The following DIAPH2 variants were observed in gnomAD, a reference collection of about 807,000 sequenced individuals.
The protein encoded by DIAPH2 is protein diaphanous homolog 2.
DIAPH2 carries 35 observed loss-of-function variants against 92.7 expected under a neutral mutation model. The ratio of observed to expected loss-of-function variants is 0.38; its 90% CI spans 0.29 to 0.50. The LOEUF is 0.50. Ranked by LOEUF, DIAPH2 falls within the 20% of genes least tolerant of loss-of-function variation. The probability of loss-of-function intolerance (pLI) is 0.94; values close to 1 mark genes in which losing one functional copy is unlikely to be tolerated. For synonymous variants in DIAPH2, 301 were observed against 280.4 expected (o/e 1.07, Z -0.73); for missense variants, 701 against 819.5 (o/e 0.86, Z 1.77).
At chrX:97,559,144 A>G (rs929507562) in intron 26 of DIAPH2, among the ~76,000 whole-genome samples, 2 of 111,974 alleles carry the variant, frequency 1.8e-5, no homozygotes, top group Non-Finnish European at 3.8e-5. Flanking sequence ...TAACGGTTCA[A>G]ATGACTCTCC....
At chrX:96,693,896 A>C (rs778878453) in intron 1 of DIAPH2, among the ~76,000 whole-genome samples, 8 of 111,797 alleles carry the variant, frequency 7.2e-5, no homozygotes, top group Non-Finnish European at 1.3e-4. Context: ...TTAGCTGTGC[A>C]TGATGGGAGA....
At chrX:97,163,980 T>C (rs1317282134) in intron 22 of DIAPH2, among the ~76,000 whole-genome samples, 2 of 112,324 alleles carry the variant, frequency 1.8e-5, no homozygotes, top group African/African-American at 6.5e-5. Context: ...ACAATGTAAA[T>C]TTACCAGAGA....
intron 26 of DIAPH2, among the ~76,000 whole-genome samples, chrX:97,593,481 A>G (rs1027301778): frequency 3.6e-5 from 4 of 111,012 alleles, no homozygotes; most frequent in Admixed American, 9.6e-5. Flanking sequence ...TTACATGTAA[A>G]AAAAAAAAAC....
At chrX:97,372,030 C>A (rs763896130) in intron 24 of DIAPH2, among the ~76,000 whole-genome samples, 1 of 112,333 alleles carries the variant, frequency 8.9e-6, no homozygotes, top group Non-Finnish European at 1.9e-5. Context: ...TTCTCAAATA[C>A]CTACTAAGAA....
At chrX:96,956,019 AT>A (rs1427967108) in intron 15 of DIAPH2, among the ~76,000 whole-genome samples, 5 of 112,388 alleles carry the variant, frequency 4.4e-5, no homozygotes, top group Admixed American at 9.3e-5. Context: ...CCAACCCCAC[AT>A]TTCCCTTCTG....
intron 17 of DIAPH2, among the ~76,000 whole-genome samples, chrX:97,033,335 G>A (rs1159255451): frequency 9.0e-6 from 1 of 111,041 alleles, no homozygotes; most frequent in East Asian, 2.8e-4. Context: ...TCCTAAGTAA[G>A]ATAATAGCGT....
At chrX:97,012,236 A>G (rs1056452490) in intron 17 of DIAPH2, among the ~76,000 whole-genome samples, 1 of 112,261 alleles carries the variant, frequency 8.9e-6, no homozygotes, top group Non-Finnish European at 1.9e-5. Context: ...AATGACCTCA[A>G]TGATCACAAG....
intron 24 of DIAPH2, among the ~76,000 whole-genome samples, chrX:97,352,229 T>A (rs1290536533): frequency 9.0e-6 from 1 of 111,093 alleles, no homozygotes; most frequent in Non-Finnish European, 1.9e-5. Flanking sequence ...GGGAGATCTA[T>A]TTGGCATATG....
rs1448771799 is a variant in DIAPH2 at position 96,809,514 on chromosome X, CTTTCT to C, written c.447+51260_447+51264del. ...CACAACTCTTTTTTTTTCTTTCTTT[CTTTCT>C]TTTTTTTTTTAATCATACTTTAAGT... On this transcript the variant is annotated intron_variant, in intron 4 of 26. Transcript: ENST00000324765. Among the ~76,000 whole-genome samples the C allele has an allele frequency of 5.8e-4, 61 of 105,325 alleles. 2 individuals are homozygous for C. Among genetic ancestry groups the C allele is most frequent in the Non-Finnish European group, 2.0e-5 (1 of 50,586 alleles). 91.5% of individuals were successfully genotyped at this position (105,325 alleles called of 115,157 possible).
intron 4 of DIAPH2, among the ~76,000 whole-genome samples, chrX:96,871,871 C>A (rs915264935): frequency 5.4e-5 from 6 of 111,817 alleles, no homozygotes; most frequent in Admixed American, 4.8e-4. Context: ...GTTAAATAAG[C>A]TGTATTATCC....
chrX:97,388,078 C>T (rs2069619150), intron 25 of DIAPH2, among the ~76,000 whole-genome samples: 1 of 111,244 alleles, frequency 9.0e-6, no homozygotes, highest in Non-Finnish European at 1.9e-5. Flanking sequence ...AAGAAAATGC[C>T]ACAAGCTAAG....
At chrX:96,735,836 T>A in intron 2 of DIAPH2, 46 bp downstream of exon 2, 1 of 738,703 alleles carries the variant, frequency 1.4e-6, no homozygotes, top group Non-Finnish European at 2.0e-6. Flanking sequence ...GCATGTTGCC[T>A]TTTAATTAAA....
At chrX:96,955,358 G>A (rs946621100) in intron 15 of DIAPH2, among the ~76,000 whole-genome samples, 9 of 111,748 alleles carry the variant, frequency 8.1e-5, no homozygotes, top group Non-Finnish European at 1.3e-4. Flanking sequence ...CCCTTGACAC[G>A]TGGGGATTAT....
intron 19 of DIAPH2, among the ~76,000 whole-genome samples, chrX:97,090,393 C>T (rs1040019692): frequency 6.9e-5 from 7 of 102,096 alleles, no homozygotes; most frequent in Non-Finnish European, 1.4e-4. Context: ...AACCCCCAGG[C>T]CACCGCTGCC....
At chrX:97,416,502 A>G (rs1358922613) in intron 25 of DIAPH2, among the ~76,000 whole-genome samples, 1 of 112,525 alleles carries the variant, frequency 8.9e-6, no homozygotes, top group East Asian at 2.8e-4. Flanking sequence ...GGACTCAAAG[A>G]CACAAAGATA....
chrX:97,358,894 A>G (rs1317368058), intron 24 of DIAPH2, among the ~76,000 whole-genome samples: 7 of 112,178 alleles, frequency 6.2e-5, no homozygotes, highest in African/African-American at 2.3e-4. Flanking sequence ...TCTTAAAATA[A>G]TAATAAAAAG....
At chrX:97,571,189 A>G (rs1212918338) in intron 26 of DIAPH2, among the ~76,000 whole-genome samples, 1 of 111,398 alleles carries the variant, frequency 9.0e-6, no homozygotes, top group Non-Finnish European at 1.9e-5. Flanking sequence ...GCCACCCAAG[A>G]AAGAACCAGT....
chrX:97,161,626 T>C (rs919805281), intron 22 of DIAPH2, among the ~76,000 whole-genome samples: 1 of 111,266 alleles, frequency 9.0e-6, no homozygotes, highest in Non-Finnish European at 1.9e-5. Context: ...AAAAGTTAAA[T>C]TGAGTTTAGA....
intron 22 of DIAPH2, among the ~76,000 whole-genome samples, chrX:97,148,797 T>C (rs1171279044): frequency 5.4e-5 from 6 of 112,093 alleles, no homozygotes; most frequent in Non-Finnish European, 7.5e-5. Context: ...AAAATTACTG[T>C]TCACTGTAAA....
Sources: allele counts gnomAD v4.1 joint callset (sites outside exome capture counted in the v4.1 genomes callset), GRCh38; gene constraint gnomAD v4.1.1; transcripts MANE v1.5; gene names NCBI Gene and HGNC (gene_info 2026-07-23, HGNC 2026-07-21).